The following TTC17 variants were observed in gnomAD, a reference collection of about 807,000 sequenced individuals.
The protein encoded by TTC17 is tetratricopeptide repeat domain 17.
TTC17 carries 58 observed loss-of-function variants against 143.8 expected under a neutral mutation model. The observed-to-expected ratio is 0.40, with a 90% confidence interval of 0.33 to 0.50. The LOEUF is 0.50. Ranked by LOEUF, TTC17 falls within the 20% of genes least tolerant of loss-of-function variation. The pLI is 0.49. For missense variants in TTC17, 1,273 were observed against 1,392.5 expected (o/e 0.91, Z 1.37); for synonymous variants, 501 against 497.8 (o/e 1.01, Z -0.09).
At chr11:43,435,907 C>T (rs1947281415) in intron 16 of TTC17, among the ~76,000 whole-genome samples, 1 of 152,166 alleles carries the variant, frequency 6.6e-6, no homozygotes, top group Admixed American at 6.5e-5. Flanking sequence ...GGGGCTTGAT[C>T]TTTGTTGTTA....
chr11:43,401,723 A>C (rs1857863715), intron 10 of TTC17, 165 bp downstream of exon 10: 1 of 538,832 alleles, frequency 1.9e-6, no homozygotes, highest in Non-Finnish European at 3.3e-6. Flanking sequence ...TCACGCCTGT[A>C]ATCTCAGCAC....
At chr11:43,451,340 T>G in intron 21 of TTC17, 75 bp downstream of exon 21, 1 of 1,376,664 alleles carries the variant, frequency 7.3e-7, no homozygotes, top group South Asian at 1.2e-5. Context: ...TGCTCCTAAG[T>G]GTCTGTAACC....
rs762934781 is a variant in TTC17 at position 43,493,806 on chromosome 11, T to C, written c.3328T>C (p.Ser1110Pro). 6.2e-7 allele frequency: 1 copy of C among 1,614,070 alleles called. No homozygotes were observed. The highest frequency in any genetic ancestry group is 8.5e-7 in the Non-Finnish European group (1 of 1,179,982). Residue 1110 changes from serine (S) to proline (P), a missense_variant, in exon 24 of 24, where the codon TCC (serine) becomes CCC (proline). Transcript: ENST00000039989. ...EFEKALVWYESTLKLQPEFVP... is the reference protein window; with the variant it reads ...EFEKALVWYEPTLKLQPEFVP... ...TGAAAAAGCACTGGTGTGGTATGAA[T>C]CCACATTGAAGCTTCAGCCCGAGTT...
intron 1 of TTC17, among the ~76,000 whole-genome samples, chr11:43,366,023 C>T (rs1856325023): frequency 6.6e-6 from 1 of 151,362 alleles, no homozygotes; most frequent in African/African-American, 2.4e-5. Context: ...GCTCTGTCGC[C>T]AGGCTGTAGT....
Position 43,477,534 on chromosome 11 carries a change from G to A in TTC17, c.3031-12705G>A, listed in dbSNP as rs538617742. Among the ~76,000 whole-genome samples, 11 of 152,330 alleles carry A rather than the reference G, an allele frequency of 7.2e-5. No individual in the cohort carries two copies. In the South Asian group the frequency reaches 2.3e-3, roughly 32 times the overall value. On this transcript the variant is annotated intron_variant, in intron 21 of 23. Transcript: ENST00000039989. ...AGGCAAAAGATACTTCTTACATGGT[G>A]GTGGCAAGAGAAAAATGAGGAAGAA...
chr11:43,450,565 AG>A (rs1947638938), intron 20 of TTC17, among the ~76,000 whole-genome samples: 1 of 152,206 alleles, frequency 6.6e-6, no homozygotes, highest in African/African-American at 2.4e-5. Context: ...TTAAGAAGGA[AG>A]GGTAAGGAAA....
intron 16 of TTC17, among the ~76,000 whole-genome samples, chr11:43,424,217 C>G (rs1485305007): frequency 6.6e-6 from 1 of 151,812 alleles, no homozygotes; most frequent in Non-Finnish European, 1.5e-5. Flanking sequence ...CTCAGCCACC[C>G]CAGTAGCTGG....
intron 15 of TTC17, among the ~76,000 whole-genome samples, chr11:43,411,693 G>A (rs1052116777): frequency 6.6e-6 from 1 of 152,130 alleles, no homozygotes; most frequent in Non-Finnish European, 1.5e-5. Flanking sequence ...TTTTACAGCT[G>A]TCATTTTGTC....
intron 5 of TTC17, chr11:43,396,138 A>G (rs1165129932): frequency 2.0e-5 from 3 of 152,070 alleles, no homozygotes; most frequent in Non-Finnish European, 4.4e-5. Context: ...GCCACTTTGT[A>G]AAAGGAAAAC....
At chr11:43,384,446 G>T (rs55662909) in intron 2 of TTC17, among the ~76,000 whole-genome samples, 2 of 152,184 alleles carry the variant, frequency 1.3e-5, no homozygotes, top group South Asian at 2.1e-4. Flanking sequence ...GCTTGAGCCC[G>T]GGAGTTCGAG....
At chr11:43,448,746 C>G (rs907350768) in intron 19 of TTC17, 1 of 152,216 alleles carries the variant, frequency 6.6e-6, no homozygotes, top group African/African-American at 2.4e-5. Flanking sequence ...TCTCCCTGAC[C>G]TGTCTGTCTA....
At chr11:43,431,008 A>G (rs1264049072) in intron 16 of TTC17, among the ~76,000 whole-genome samples, 1 of 152,032 alleles carries the variant, frequency 6.6e-6, no homozygotes, top group Non-Finnish European at 1.5e-5. Context: ...CCCACTTATG[A>G]GTGAGAACAT....
At chr11:43,466,659 A>G in intron 21 of TTC17, 1 of 358,958 alleles carries the variant, frequency 2.8e-6, no homozygotes, top group Non-Finnish European at 5.5e-6. Flanking sequence ...TGTGAAGCAT[A>G]CAGGTCTTGG....
chr11:43,414,460 A>G (rs1946730791), intron 15 of TTC17, 130 bp from the exon 16 acceptor site: 6 of 907,442 alleles, frequency 6.6e-6, no homozygotes, highest in Non-Finnish European at 9.9e-6. Context: ...TGGTATGAAT[A>G]AAATGGATAG....
At chr11:43,363,735 C>T (rs1055154596) in intron 1 of TTC17, among the ~76,000 whole-genome samples, 12 of 152,138 alleles carry the variant, frequency 7.9e-5, no homozygotes, top group African/African-American at 2.7e-4. Context: ...TGTGGCATTT[C>T]GTGGCAATAG....
chr11:43,458,154 A>C (rs1481945622), intron 21 of TTC17, among the ~76,000 whole-genome samples: 2 of 152,170 alleles, frequency 1.3e-5, no homozygotes, highest in Admixed American at 1.3e-4. Flanking sequence ...TCAGCCGGGC[A>C]CTTCTTCTGC....
intron 1 of TTC17, 107 bp downstream of exon 1, chr11:43,359,220 C>A: frequency 7.3e-7 from 1 of 1,364,882 alleles, no homozygotes; most frequent in Non-Finnish European, 9.6e-7. Flanking sequence ...CCCCAGCCTA[C>A]CCTCACAGGG....
chr11:43,410,311 T>C (rs1322986316), intron 15 of TTC17, among the ~76,000 whole-genome samples: 1 of 152,228 alleles, frequency 6.6e-6, no homozygotes, highest in Non-Finnish European at 1.5e-5. Context: ...TATCTTAGCA[T>C]TTAAAAATTG....
chr11:43,362,506 A>G (rs1367132750), intron 1 of TTC17, among the ~76,000 whole-genome samples: 1 of 152,222 alleles, frequency 6.6e-6, no homozygotes, highest in Non-Finnish European at 1.5e-5. Flanking sequence ...GGGTTAAGTA[A>G]GAGCAAGGAG....
Sources: gnomAD v4.1 joint callset for allele counts (sites outside exome capture counted in the v4.1 genomes callset) on GRCh38, gnomAD v4.1.1 for gene constraint, MANE v1.5 for transcripts, NCBI Gene and HGNC (gene_info 2026-07-23, HGNC 2026-07-21) for gene names.